Variants in PAK5 observed in about 807,000 individuals in gnomAD.
The protein encoded by PAK5 is p21 (RAC1) activated kinase 5, also known as serine/threonine-protein kinase PAK 5.
A neutral mutation model predicts 65.9 loss-of-function variants in PAK5; 16 were observed. The observed-to-expected ratio is 0.24, with a 90% CI of 0.16 to 0.37. The LOEUF (loss-of-function observed/expected upper bound fraction) is 0.37. PAK5 is among the 10% of genes least tolerant of loss of function. The pLI is 1.00. For synonymous variants in PAK5, 371 were observed against 354.9 expected (o/e 1.05, Z -0.51); for missense variants, 785 against 903.9 (o/e 0.87, Z 1.69).
chr20:9,824,468 C>G (rs1201336128), intron 1 of PAK5, among the ~76,000 whole-genome samples: 1 of 152,134 alleles, frequency 6.6e-6, no homozygotes, highest in Non-Finnish European at 1.5e-5. Context: ...TCCTTAGCAG[C>G]ATTAGAATGA....
At chr20:9,547,375 A>G (rs1312967757) in intron 7 of PAK5, among the ~76,000 whole-genome samples, 1 of 152,188 alleles carries the variant, frequency 6.6e-6, no homozygotes, top group Non-Finnish European at 1.5e-5. Flanking sequence ...AAATGAATAC[A>G]CTCACTGAGC....
chr20:9,543,458 T>G lies in PAK5; in HGVS notation c.1870-738A>C, dbSNP rs139981171. Among the ~76,000 whole-genome samples the G allele has an allele frequency of 1.1e-3, 164 of 152,276 alleles. 3 individuals carry two copies. In the East Asian group the frequency reaches 0.027, roughly 25 times the overall value. On this transcript the variant is annotated intron_variant, in intron 8 of 9. Coordinates refer to ENST00000353224, the MANE Select transcript of PAK5 (RefSeq NM_177990.4). Reference sequence around the variant, plus strand: ...TTATCTGATGAACGTATTGCTATTATTACCCCTTGCAGTGACCTTCACCGA... The same window carrying G: ...TTATCTGATGAACGTATTGCTATTAGTACCCCTTGCAGTGACCTTCACCGA...
chr20:9,572,865 A>C (rs1192491803), intron 4 of PAK5, among the ~76,000 whole-genome samples: 1 of 152,226 alleles, frequency 6.6e-6, no homozygotes, highest in African/African-American at 2.4e-5. Flanking sequence ...CTTACAAAGG[A>C]GACCATGGTC....
At chr20:9,645,000 A>T (rs1404777530) in intron 2 of PAK5, among the ~76,000 whole-genome samples, 1 of 152,218 alleles carries the variant, frequency 6.6e-6, no homozygotes, top group African/African-American at 2.4e-5. Context: ...ATATGCATAC[A>T]TGAAAAATGG....
intron 2 of PAK5, among the ~76,000 whole-genome samples, chr20:9,683,598 C>T (rs1051224837): frequency 2.6e-5 from 4 of 152,152 alleles, no homozygotes; most frequent in African/African-American, 4.8e-5. Flanking sequence ...TTATCCTGGG[C>T]ATATAGTGGA....
intron 1 of PAK5, among the ~76,000 whole-genome samples, chr20:9,786,623 G>A (rs1052394190): frequency 6.6e-6 from 1 of 152,016 alleles, no homozygotes; most frequent in African/African-American, 2.4e-5. Context: ...AGTTATCAAA[G>A]CCACAGAAGC....
intron 1 of PAK5, among the ~76,000 whole-genome samples, chr20:9,798,372 A>G (rs1353077613): frequency 2.6e-5 from 4 of 152,120 alleles, no homozygotes; most frequent in African/African-American, 9.7e-5. Flanking sequence ...CATGCAAACT[A>G]CTGAATGTAG....
intron 1 of PAK5, among the ~76,000 whole-genome samples, chr20:9,741,838 A>G (rs1183887505): frequency 6.6e-6 from 1 of 152,088 alleles, no homozygotes; most frequent in Non-Finnish European, 1.5e-5. Flanking sequence ...TTCTTCAAGC[A>G]ACACTAAGAA....
intron 1 of PAK5, among the ~76,000 whole-genome samples, chr20:9,783,159 CT>C (rs1286177716): frequency 6.6e-6 from 1 of 152,054 alleles, no homozygotes; most frequent in Non-Finnish European, 1.5e-5. Flanking sequence ...TGGTCTTGAA[CT>C]CCCGACCTCC....
chr20:9,549,783 C>T (rs1298617797), intron 7 of PAK5, among the ~76,000 whole-genome samples: 1 of 152,124 alleles, frequency 6.6e-6, no homozygotes, highest in Non-Finnish European at 1.5e-5. Flanking sequence ...TGTAAAGTGC[C>T]GATTTGCTGA....
In PAK5 at chr20:9,761,654, G is replaced by A. The variant is rs1452428670; in HGVS notation, c.-161-50219C>T. Among the ~76,000 whole-genome samples the A allele has an allele frequency of 4.6e-5, 7 of 152,082 alleles. No individual in the cohort carries two copies. The East Asian group carries it at 1.2e-3, about 25-fold the overall frequency. On this transcript the variant is annotated intron_variant, in intron 1 of 9. Transcript: ENST00000353224. ...TCCCAATTTAAAATTATATTACAAA[G>A]CTATAGTAATCAAAACAGCATGGCA...
chr20:9,776,589 CAT>C (rs1028228335), intron 1 of PAK5, among the ~76,000 whole-genome samples: 1 of 152,170 alleles, frequency 6.6e-6, no homozygotes, highest in African/African-American at 2.4e-5. Context: ...TGGTCTAACA[CAT>C]GTGACTTTCT....
chr20:9,565,927 C>T lies in PAK5; in HGVS notation c.1448G>A (p.Arg483Gln), dbSNP rs991533102. Residue 483 changes from arginine (R) to glutamine (Q), a missense_variant, in exon 5 of 10, where the codon CGG becomes CAG. This residue lies in a region of PAK5 where 182 missense variants were observed against 273.0 expected (regional missense o/e 0.67). Coordinates refer to ENST00000353224, the MANE Select transcript of PAK5 (RefSeq NM_177990.4). Reference protein sequence around the residue: ...KQVAVKKMDLRKQQRRELLFN... With the variant: ...KQVAVKKMDLQKQQRRELLFN... ...AAGCAGTTCTCGTCTCTGTTGCTTC[C>T]GGAGGTCCATTTTCTTCACTGCAAC... 3.7e-6 allele frequency: 6 copies of T among 1,613,260 alleles called. No homozygotes were observed. In the African/African-American group the frequency reaches 6.7e-5, roughly 18 times the overall value.
chr20:9,707,626 T>A (rs967077869), intron 2 of PAK5, among the ~76,000 whole-genome samples: 3 of 152,304 alleles, frequency 2.0e-5, no homozygotes, highest in African/African-American at 7.2e-5. Context: ...ATTTCTTTGA[T>A]GTATATGTTG....
intron 7 of PAK5, among the ~76,000 whole-genome samples, chr20:9,550,164 C>T (rs989511446): frequency 4.6e-5 from 7 of 152,062 alleles, no homozygotes; most frequent in African/African-American, 1.2e-4. Context: ...TGCAGGGGTT[C>T]GGAAGTTCCT....
chr20:9,822,379 G>A (rs1442163916), intron 1 of PAK5, among the ~76,000 whole-genome samples: 1 of 151,500 alleles, frequency 6.6e-6, no homozygotes, highest in Non-Finnish European at 1.5e-5. Flanking sequence ...TTCATTACAA[G>A]GTCAGTTGTA....
chr20:9,652,677 G>GT (rs1569021603), intron 2 of PAK5, among the ~76,000 whole-genome samples: 3 of 152,222 alleles, frequency 2.0e-5, no homozygotes. Context: ...ACCTGGGCCT[G>GT]TTTTTTTGAC....
At position 9,548,037 on chromosome 20, in the gene PAK5, T is replaced by G. The variant is rs145418636; in HGVS notation, c.1744-3543A>C. ...TTTTCACCACACCCCATCTTCCTAC[T>G]GCTGGCGCAAACACACGAGTCCACC... On this transcript the variant is annotated intron_variant, in intron 7 of 9. Coordinates refer to ENST00000353224, the MANE Select transcript of PAK5 (RefSeq NM_177990.4). 3.8e-3 allele frequency among the ~76,000 whole-genome samples: 579 copies of G among 152,350 alleles called. 2 individuals carry two copies. Among genetic ancestry groups the G allele is most frequent in the African/African-American group, 0.013 (557 of 41,588 alleles).
intron 4 of PAK5, 50 bp downstream of exon 4, chr20:9,580,095 C>T: frequency 6.7e-7 from 1 of 1,486,080 alleles, no homozygotes; most frequent in South Asian, 1.3e-5. Context: ...CCAGCACCAC[C>T]CCTGTGGAGG....
Sources: allele counts gnomAD v4.1 joint callset (sites outside exome capture counted in the v4.1 genomes callset), GRCh38; gene constraint gnomAD v4.1.1; regional missense constraint gnomAD v4.1.1; transcripts MANE v1.5; gene names NCBI Gene and HGNC (gene_info 2026-07-23, HGNC 2026-07-21).